Variants in OXR1 observed in about 807,000 individuals in gnomAD.
OXR1 encodes oxidation resistance protein 1.
Under a neutral mutation model 104.6 loss-of-function variants are expected in OXR1, and 41 were observed. The observed-to-expected ratio is 0.39, with a 90% CI of 0.31 to 0.51. The LOEUF is 0.51. OXR1 is among the 20% of genes least tolerant of loss of function. OXR1 has a pLI of 0.77. For synonymous variants in OXR1, 348 were observed against 348.4 expected, an observed-to-expected ratio of 1.00 and a Z score of 0.01; for missense variants, 955 against 1,031.9, an observed-to-expected ratio of 0.93 and a Z score of 1.02.
At chr8:106,748,279 A>G (rs1482240243) in intron 16 of OXR1, among the ~76,000 whole-genome samples, 2 of 152,186 alleles carry the variant, frequency 1.3e-5, no homozygotes, top group Non-Finnish European at 2.9e-5. Flanking sequence ...TGGCTTCCTC[A>G]TGGGACAGGG....
At chr8:106,373,668 C>A (rs1233593797) in intron 2 of OXR1, among the ~76,000 whole-genome samples, 1 of 152,182 alleles carries the variant, frequency 6.6e-6, no homozygotes, top group Non-Finnish European at 1.5e-5. Flanking sequence ...TAGCTCACTG[C>A]AACCTCGACC....
At chr8:106,282,793 T>A (rs140373027) in intron 1 of OXR1, among the ~76,000 whole-genome samples, 2 of 152,150 alleles carry the variant, frequency 1.3e-5, no homozygotes, top group Non-Finnish European at 2.9e-5. Flanking sequence ...AATTCACTTA[T>A]AAATGGGCCC....
intron 3 of OXR1, among the ~76,000 whole-genome samples, chr8:106,534,035 A>T (rs1250115154): frequency 6.6e-6 from 1 of 152,074 alleles, no homozygotes; most frequent in Admixed American, 6.6e-5. Flanking sequence ...TATCAGAGGG[A>T]CTCAGAGAGG....
intron 2 of OXR1, among the ~76,000 whole-genome samples, chr8:106,426,563 G>C (rs1387653539): frequency 1.3e-5 from 2 of 152,124 alleles, no homozygotes; most frequent in Non-Finnish European, 2.9e-5. Context: ...ACTTCATTCT[G>C]TAGGAATATG....
intron 2 of OXR1, among the ~76,000 whole-genome samples, chr8:106,453,230 C>T (rs561574699): frequency 6.6e-6 from 1 of 152,296 alleles, no homozygotes; most frequent in South Asian, 2.1e-4. Flanking sequence ...CATCACATCA[C>T]CCATGGATCT....
intron 14 of OXR1, among the ~76,000 whole-genome samples, chr8:106,741,374 A>G (rs1011705198): frequency 3.3e-5 from 5 of 152,122 alleles, no homozygotes; most frequent in African/African-American, 9.7e-5. Context: ...AGTTGAGACT[A>G]TTGATGAGAG....
chr8:106,624,372 C>T (rs941555511), intron 3 of OXR1, among the ~76,000 whole-genome samples: 21 of 152,108 alleles, frequency 1.4e-4, no homozygotes, highest in African/African-American at 3.1e-4. Flanking sequence ...GCCTGGCTAA[C>T]GATGGGGGCA....
Position 106,331,997 on chromosome 8 carries a change from A to AGTGTGTGT in OXR1, c.-138-27441_-138-27434dup, listed in dbSNP as rs3073756. Among the ~76,000 whole-genome samples the AGTGTGTGT allele has an allele frequency of 9.6e-3, 1,322 of 138,138 alleles. 18 individuals carry two copies. Among genetic ancestry groups the AGTGTGTGT allele is most frequent in the African/African-American group, 0.027 (991 of 37,180 alleles). The allele number at this position is 138,138 out of a possible 152,430, so 90.6% of individuals were successfully genotyped here. A position where few individuals can be genotyped will look rare whatever the true frequency, so the allele number is the denominator to read the frequency against. ...TATATTTATTTCTTAGAAAGAACATAGTGTGTGTGTGTGTGTGTGTGTGTG... is the reference window on the plus strand; with the variant it reads ...TATATTTATTTCTTAGAAAGAACATAGTGTGTGTGTGTGTGTGTGTGTGTGTGTGTGTG... On this transcript the variant is annotated intron_variant, in intron 1 of 16. Transcript: ENST00000517566.
chr8:106,398,609 G>A (rs567794668), intron 2 of OXR1, among the ~76,000 whole-genome samples: 14 of 152,224 alleles, frequency 9.2e-5, no homozygotes, highest in Admixed American at 7.9e-4. Flanking sequence ...CAAGCACACA[G>A]GAATATTAAG....
intron 3 of OXR1, among the ~76,000 whole-genome samples, chr8:106,626,044 T>TTG (rs59554916): frequency 0.53 from 78,426 of 148,274 alleles, 21,570 homozygotes; most frequent in African/African-American, 0.71. Flanking sequence ...GTTCTGCGTT[T>TTG]TGTGTGTGTG....
chr8:106,704,073 T>C (rs912470682), intron 8 of OXR1, among the ~76,000 whole-genome samples: 5 of 152,118 alleles, frequency 3.3e-5, no homozygotes, highest in Non-Finnish European at 7.3e-5. Context: ...AATCCTTTGC[T>C]CAAAAGTCTC....
chr8:106,353,914 C>T (rs1363523162), intron 1 of OXR1, among the ~76,000 whole-genome samples: 1 of 152,172 alleles, frequency 6.6e-6, no homozygotes, highest in Non-Finnish European at 1.5e-5. Flanking sequence ...CCTGCCGCCC[C>T]TAGTAACCAC....
At chr8:106,652,812 A>C (rs538877862) in intron 3 of OXR1, among the ~76,000 whole-genome samples, 1 of 151,838 alleles carries the variant, frequency 6.6e-6, no homozygotes, top group South Asian at 2.1e-4. Context: ...AAAACATTAG[A>C]GAAACCTCAT....
intron 9 of OXR1, among the ~76,000 whole-genome samples, chr8:106,708,510 T>G (rs1831371923): frequency 6.6e-6 from 1 of 152,224 alleles, no homozygotes; most frequent in African/African-American, 2.4e-5. Context: ...AGATACTTCA[T>G]GTGAGTGGAG....
chr8:106,469,905 G>T (rs1821392790), intron 2 of OXR1, among the ~76,000 whole-genome samples: 1 of 151,792 alleles, frequency 6.6e-6, no homozygotes, highest in South Asian at 2.1e-4. Flanking sequence ...TGCAAATGAA[G>T]TGAAACAAAG....
At chr8:106,515,503 C>T (rs1386395277) in intron 2 of OXR1, among the ~76,000 whole-genome samples, 2 of 152,022 alleles carry the variant, frequency 1.3e-5, no homozygotes, top group Non-Finnish European at 2.9e-5. Flanking sequence ...ACAAGTTAAA[C>T]TATTTTAGAT....
intron 11 of OXR1, among the ~76,000 whole-genome samples, chr8:106,731,877 G>C (rs1015313665): frequency 1.2e-4 from 19 of 152,028 alleles, no homozygotes; most frequent in African/African-American, 4.3e-4. Context: ...GCTATTCTGT[G>C]TCTTTGCATA....
chr8:106,359,357 A>ATCATATTT (rs1343928922), intron 1 of OXR1, 119 bp from the exon 2 acceptor site: 2 of 397,876 alleles, frequency 5.0e-6, no homozygotes, highest in East Asian at 7.6e-5. Flanking sequence ...TAAGAAAAAG[A>ATCATATTT]TCATATTTTT....
intron 2 of OXR1, among the ~76,000 whole-genome samples, chr8:106,500,043 T>G (rs1430692686): frequency 2.6e-5 from 4 of 152,252 alleles, no homozygotes; most frequent in Admixed American, 2.6e-4. Flanking sequence ...GTCTAGCTGC[T>G]GGCTGTATGC....
Sources: allele counts gnomAD v4.1 joint callset (sites outside exome capture counted in the v4.1 genomes callset), GRCh38; gene constraint gnomAD v4.1.1; transcripts MANE v1.5; gene names NCBI Gene and HGNC (gene_info 2026-07-23, HGNC 2026-07-21).